The following PHACTR1 variants were observed in gnomAD, a reference collection of about 807,000 sequenced individuals.
The protein encoded by PHACTR1 is RPEL repeat containing 1.
A neutral mutation model predicts 69.2 loss-of-function variants in PHACTR1; 16 were observed. The observed-to-expected ratio is 0.23, with a 90% CI of 0.16 to 0.35. The LOEUF (loss-of-function observed/expected upper bound fraction) is 0.35. Among genes scored for constraint, PHACTR1 ranks in the 10% least tolerant of loss-of-function variants. PHACTR1 has a pLI of 1.00. For synonymous variants in PHACTR1, 312 were observed against 284.5 expected (o/e 1.10, Z -0.97); for missense variants, 510 against 734.7 (o/e 0.69, Z 3.54).
At chr6:13,009,939 T>A (rs751388633) in intron 4 of PHACTR1, among the ~76,000 whole-genome samples, 16 of 150,388 alleles carry the variant, frequency 1.1e-4, no homozygotes, top group Non-Finnish European at 2.4e-4. Flanking sequence ...GGACTCCTCC[T>A]GCATATACGC....
intron 4 of PHACTR1, among the ~76,000 whole-genome samples, chr6:12,998,306 G>A (rs1797668014): frequency 6.6e-6 from 1 of 152,210 alleles, no homozygotes; most frequent in African/African-American, 2.4e-5. Context: ...CCTCATCATA[G>A]AAAAGAATTT....
intron 7 of PHACTR1, among the ~76,000 whole-genome samples, chr6:13,199,112 G>T (rs569698886): frequency 2.0e-5 from 3 of 152,170 alleles, no homozygotes; most frequent in Non-Finnish European, 4.4e-5. Flanking sequence ...TAGCTGCTGG[G>T]AGCAGTGGCT....
intron 4 of PHACTR1, among the ~76,000 whole-genome samples, chr6:12,985,565 C>G (rs1025766930): frequency 3.5e-5 from 5 of 142,604 alleles, no homozygotes; most frequent in Non-Finnish European, 7.6e-5. Flanking sequence ...TATATATACA[C>G]AGAGAGAGAG....
At chr6:13,040,911 A>G (rs1436480873) in intron 4 of PHACTR1, among the ~76,000 whole-genome samples, 1 of 152,200 alleles carries the variant, frequency 6.6e-6, no homozygotes, top group Non-Finnish European at 1.5e-5. Flanking sequence ...GCAAGTCATG[A>G]TTAAATGCAC....
At chr6:12,882,875 A>C (rs1373023141) in intron 4 of PHACTR1, among the ~76,000 whole-genome samples, 1 of 152,032 alleles carries the variant, frequency 6.6e-6, no homozygotes, top group Non-Finnish European at 1.5e-5. Context: ...AATGCTTGAA[A>C]GTGATTTTAT....
chr6:12,841,555 A>G (rs1457878175), intron 4 of PHACTR1, among the ~76,000 whole-genome samples: 1 of 152,250 alleles, frequency 6.6e-6, no homozygotes, highest in Non-Finnish European at 1.5e-5. Context: ...CTAGGAAGAT[A>G]AGAAATATTT....
chr6:13,085,528 C>T (rs75457354), intron 5 of PHACTR1, among the ~76,000 whole-genome samples: 1,853 of 152,000 alleles, frequency 0.012, 42 homozygotes, highest in African/African-American at 0.042. Context: ...TAATAAACTT[C>T]CTAATGGAAG....
At chr6:12,934,669 C>T (rs1789242431) in intron 4 of PHACTR1, among the ~76,000 whole-genome samples, 1 of 152,004 alleles carries the variant, frequency 6.6e-6, no homozygotes, top group Non-Finnish European at 1.5e-5. Context: ...AACCCCGTCT[C>T]TAATAAAAAT....
intron 4 of PHACTR1, among the ~76,000 whole-genome samples, chr6:13,041,800 C>T (rs1394096083): frequency 6.6e-6 from 1 of 152,200 alleles, no homozygotes; most frequent in Non-Finnish European, 1.5e-5. Flanking sequence ...TGAGCATCCT[C>T]AAACCATCCA....
intron 5 of PHACTR1, among the ~76,000 whole-genome samples, chr6:13,105,463 G>T (rs1561837321): frequency 6.6e-6 from 1 of 152,040 alleles, no homozygotes. Context: ...TTCCAAAAAG[G>T]TTTTTTCCCC....
chr6:13,287,016 C>T (rs1465086893), intron 14 of PHACTR1, 47 bp from the exon 15 acceptor site: 4 of 1,597,336 alleles, frequency 2.5e-6, no homozygotes, highest in Non-Finnish European at 3.4e-6. Flanking sequence ...TTGAATCCTG[C>T]ACCTTTGGCA....
chr6:13,195,128 T>G (rs1411634534), intron 7 of PHACTR1, among the ~76,000 whole-genome samples: 1 of 152,216 alleles, frequency 6.6e-6, no homozygotes, highest in Non-Finnish European at 1.5e-5. Context: ...GGCCTCGTGT[T>G]CTGAAGGAAC....
At chr6:13,062,749 G>T (rs1239873667) in intron 5 of PHACTR1, among the ~76,000 whole-genome samples, 2 of 152,166 alleles carry the variant, frequency 1.3e-5, no homozygotes, top group African/African-American at 4.8e-5. Context: ...TAAACCCTTA[G>T]TTACATCACA....
At chr6:13,083,283 T>C (rs965231756) in intron 5 of PHACTR1, among the ~76,000 whole-genome samples, 31 of 152,062 alleles carry the variant, frequency 2.0e-4, no homozygotes, top group Non-Finnish European at 3.5e-4. Context: ...CTGAGGGCTC[T>C]GTTCTGTTCC....
At chr6:13,284,728 G>A (rs1438412613) in intron 13 of PHACTR1, among the ~76,000 whole-genome samples, 2 of 151,726 alleles carry the variant, frequency 1.3e-5, no homozygotes, top group Non-Finnish European at 2.9e-5. Flanking sequence ...GATACAGCAG[G>A]AAGTCATTTA....
chr6:12,776,160 T>C (rs1451870831), intron 4 of PHACTR1, among the ~76,000 whole-genome samples: 1 of 152,232 alleles, frequency 6.6e-6, no homozygotes, highest in East Asian at 1.9e-4. Context: ...CTTTTGGCTT[T>C]AAATGGGATA....
At chr6:12,999,573 T>C (rs1471289732) in intron 4 of PHACTR1, among the ~76,000 whole-genome samples, 13 of 150,262 alleles carry the variant, frequency 8.7e-5, no homozygotes, top group Non-Finnish European at 2.9e-5. Flanking sequence ...CACTCCAGCC[T>C]GGGTGACAGA....
At chr6:13,012,216 G>A (rs956195838) in intron 4 of PHACTR1, among the ~76,000 whole-genome samples, 13 of 152,246 alleles carry the variant, frequency 8.5e-5, no homozygotes, top group African/African-American at 3.1e-4. Context: ...AGAAGTAGTA[G>A]AAATGATAGA....
chr6:13,146,865 G>A (rs1452180146), intron 5 of PHACTR1, among the ~76,000 whole-genome samples: 1 of 152,186 alleles, frequency 6.6e-6, no homozygotes, highest in East Asian at 1.9e-4. Context: ...GTTAAAGGCA[G>A]CAGAGAACAG....
Sources: gnomAD v4.1 joint callset for allele counts (sites outside exome capture counted in the v4.1 genomes callset) on GRCh38, gnomAD v4.1.1 for gene constraint, MANE v1.5 for transcripts, NCBI Gene and HGNC (gene_info 2026-07-23, HGNC 2026-07-21) for gene names.